The following PNLIPRP3 variants were observed in gnomAD, a reference collection of about 807,000 sequenced individuals.
The protein encoded by PNLIPRP3 is pancreatic lipase related protein 3.
Under a neutral mutation model 52.8 loss-of-function variants are expected in PNLIPRP3, and 58 were observed. The observed-to-expected ratio is 1.10, with a 90% confidence interval of 0.89 to 1.37. The LOEUF (loss-of-function observed/expected upper bound fraction) is 1.37, where lower values mean the gene tolerates loss of function less well. Among genes scored for constraint, PNLIPRP3 ranks in the 40% most tolerant of loss-of-function variants. The pLI, the probability that PNLIPRP3 is intolerant of heterozygous loss-of-function variation, is 0.00. For synonymous variants in PNLIPRP3, 192 were observed against 185.0 expected, an observed-to-expected ratio of 1.04 and a Z score of -0.31; for missense variants, 593 against 561.6, an observed-to-expected ratio of 1.06 and a Z score of -0.57.
At chr10:116,466,237 C>A in intron 8 of PNLIPRP3, 69 bp downstream of exon 8, 2 of 1,180,184 alleles carry the variant, frequency 1.7e-6, no homozygotes, top group Non-Finnish European at 2.4e-6. Flanking sequence ...TCCAGCTAAA[C>A]ATTAGGGCTT....
At chr10:116,451,905 T>C (rs2133131561) in intron 4 of PNLIPRP3, among the ~76,000 whole-genome samples, 1 of 152,216 alleles carries the variant, frequency 6.6e-6, no homozygotes, top group Non-Finnish European at 1.5e-5. Context: ...GTGGAAGTGA[T>C]TTTGGAGCTG....
intron 9 of PNLIPRP3, among the ~76,000 whole-genome samples, chr10:116,471,275 G>A (rs1033567060): frequency 6.6e-6 from 1 of 152,128 alleles, no homozygotes; most frequent in Non-Finnish European, 1.5e-5. Flanking sequence ...GGCATTCTTA[G>A]CACATATCCC....
At chr10:116,476,086 A>G (rs1011208284) in intron 10 of PNLIPRP3, among the ~76,000 whole-genome samples, 3 of 152,150 alleles carry the variant, frequency 2.0e-5, no homozygotes, top group African/African-American at 7.2e-5. Flanking sequence ...TGGATGGAAC[A>G]TACCTTATGC....
At position 116,475,536 on chromosome 10, in the gene PNLIPRP3, G is replaced by A. The variant is rs77417146; in HGVS notation, c.1173-1116G>A. On this transcript the variant is annotated intron_variant, in intron 10 of 11. Coordinates refer to ENST00000369230, the MANE Select transcript of PNLIPRP3 (RefSeq NM_001011709.3). ...AAGATAGTTCTTGGAATAACAGAAAGATTACCCTTAAGAACTTGGAAGAAC... is the reference window on the plus strand; with the variant it reads ...AAGATAGTTCTTGGAATAACAGAAAAATTACCCTTAAGAACTTGGAAGAAC... 2.0e-5 allele frequency among the ~76,000 whole-genome samples: 3 copies of A among 152,300 alleles called. No homozygotes were observed. In the East Asian group the frequency reaches 5.8e-4, roughly 29 times the overall value.
chr10:116,442,435 C>T lies in PNLIPRP3; in HGVS notation c.205-620C>T, dbSNP rs116688334. Among the ~76,000 whole-genome samples, 1,161 of 152,284 alleles carry T rather than the reference C, an allele frequency of 7.6e-3. 19 individuals carry two copies. Among genetic ancestry groups the T allele is most frequent in the African/African-American group, 0.027 (1,115 of 41,558 alleles). On this transcript the variant is annotated intron_variant, in intron 2 of 11. Coordinates refer to ENST00000369230, the MANE Select transcript of PNLIPRP3 (RefSeq NM_001011709.3). ...TTTAATTCTCATGAATTACACTGATCACTGAGAAATGTTATACAAAAATAA... is the reference window on the plus strand; with the variant it reads ...TTTAATTCTCATGAATTACACTGATTACTGAGAAATGTTATACAAAAATAA...
intron 5 of PNLIPRP3, among the ~76,000 whole-genome samples, chr10:116,457,188 C>T (rs556562863): frequency 6.6e-6 from 1 of 152,300 alleles, no homozygotes; most frequent in Non-Finnish European, 1.5e-5. Flanking sequence ...TTGACATGTG[C>T]CTCTTTTGTG....
chr10:116,431,880 A>C (rs1226989488), intron 1 of PNLIPRP3, among the ~76,000 whole-genome samples: 5 of 151,942 alleles, frequency 3.3e-5, no homozygotes, highest in Non-Finnish European at 5.9e-5. Flanking sequence ...TCTGTCTGGA[A>C]TGCTGTCCCA....
chr10:116,466,625 T>C (rs1022296647), intron 8 of PNLIPRP3, among the ~76,000 whole-genome samples: 15 of 151,796 alleles, frequency 9.9e-5, no homozygotes, highest in Non-Finnish European at 1.5e-4. Context: ...AGAGCAGAAC[T>C]AAAGCATAGA....
intron 1 of PNLIPRP3, among the ~76,000 whole-genome samples, chr10:116,434,790 A>G (rs1478637912): frequency 6.6e-6 from 1 of 152,196 alleles, no homozygotes; most frequent in Non-Finnish European, 1.5e-5. Flanking sequence ...CCATGATCCA[A>G]CTATGAAGTC....
At chr10:116,438,706 C>A (rs1845813536) in intron 2 of PNLIPRP3, among the ~76,000 whole-genome samples, 1 of 152,106 alleles carries the variant, frequency 6.6e-6, no homozygotes, top group Non-Finnish European at 1.5e-5. Flanking sequence ...TAGGATAAAT[C>A]AAGGTATGTA....
Position 116,455,827 on chromosome 10 carries a change from A to C in PNLIPRP3, c.562A>C (p.Thr188Pro), listed in dbSNP as rs1846105181. The C allele has an allele frequency of 6.2e-7, 1 of 1,610,616 alleles. No individual in the cohort carries two copies. Among genetic ancestry groups the C allele is most frequent in the Admixed American group, 1.7e-5 (1 of 59,984 alleles). ...GSRIPGLGRI[T>P]GLDPAGPFFH... ...AAGGATACCAGGCCTTGGAAGAATA[A>C]CTGGTAAGCATGCCCTGCAGTTGGG... is the stretch of plus-strand genomic sequence containing the variant. Residue 188 changes from threonine (T) to proline (P), a missense_variant, in exon 5 of 12, where the codon ACT becomes CCT. Transcript: ENST00000369230.
At chr10:116,473,597 C>G (rs1331118654) in intron 10 of PNLIPRP3, among the ~76,000 whole-genome samples, 1 of 152,132 alleles carries the variant, frequency 6.6e-6, no homozygotes, top group Admixed American at 6.6e-5. Context: ...TCTCACCTCA[C>G]TGCAACTTCC....
At chr10:116,450,224 G>A (rs1846015239) in intron 4 of PNLIPRP3, among the ~76,000 whole-genome samples, 1 of 152,248 alleles carries the variant, frequency 6.6e-6, no homozygotes, top group South Asian at 2.1e-4. Context: ...GCCCAGAACA[G>A]CTTTGAATGT....
At chr10:116,459,356 C>T (rs1846158960) in intron 5 of PNLIPRP3, among the ~76,000 whole-genome samples, 1 of 152,094 alleles carries the variant, frequency 6.6e-6, no homozygotes, top group Non-Finnish European at 1.5e-5. Flanking sequence ...CACAGACATT[C>T]CTTCCTTGCT....
At chr10:116,461,927 G>C (rs1427695504) in intron 7 of PNLIPRP3, among the ~76,000 whole-genome samples, 1 of 152,168 alleles carries the variant, frequency 6.6e-6, no homozygotes, top group Non-Finnish European at 1.5e-5. Context: ...CGACAGTGAG[G>C]AGCCTGTTGT....
chr10:116,444,856 A>G (rs998217042), intron 4 of PNLIPRP3, among the ~76,000 whole-genome samples: 8 of 152,210 alleles, frequency 5.3e-5, no homozygotes, highest in Non-Finnish European at 1.2e-4. Context: ...TCCTTCAAAT[A>G]TTATTTGTTT....
intron 1 of PNLIPRP3, among the ~76,000 whole-genome samples, chr10:116,431,337 G>A (rs985950712): frequency 4.6e-5 from 7 of 152,266 alleles, no homozygotes; most frequent in African/African-American, 1.7e-4. Flanking sequence ...AAGAGCCAGT[G>A]AACTACCAAA....
intron 7 of PNLIPRP3, among the ~76,000 whole-genome samples, chr10:116,461,859 G>A (rs1479913811): frequency 6.6e-6 from 1 of 152,144 alleles, no homozygotes; most frequent in African/African-American, 2.4e-5. Context: ...AGGCATTCCA[G>A]GCCAACAGGG....
At chr10:116,450,321 G>A (rs1846016371) in intron 4 of PNLIPRP3, among the ~76,000 whole-genome samples, 1 of 152,126 alleles carries the variant, frequency 6.6e-6, no homozygotes, top group Non-Finnish European at 1.5e-5. Context: ...TATCATTAGT[G>A]TTAATTTATT....
Sources: allele counts gnomAD v4.1 joint callset (sites outside exome capture counted in the v4.1 genomes callset), GRCh38; gene constraint gnomAD v4.1.1; transcripts MANE v1.5; gene names NCBI Gene and HGNC (gene_info 2026-07-23, HGNC 2026-07-21).